EFCAB12: variants seen among roughly 807,000 people sequenced by gnomAD.
The protein encoded by EFCAB12 is EF-hand calcium-binding domain-containing protein 12.
EFCAB12 carries 43 observed loss-of-function variants against 53.6 expected under a neutral mutation model. The ratio of observed to expected loss-of-function variants is 0.80; its 90% CI spans 0.63 to 1.03. The LOEUF is 1.03. Among genes scored for constraint, EFCAB12 ranks in the 50% least tolerant of loss-of-function variants. EFCAB12 has a pLI of 0.00. For synonymous variants in EFCAB12, 269 were observed against 289.2 expected (o/e 0.93, Z 0.71); for missense variants, 646 against 730.6 (o/e 0.88, Z 1.34).
chr3:129,405,356 G>T (rs1489798380), intron 6 of EFCAB12, among the ~76,000 whole-genome samples: 2 of 152,186 alleles, frequency 1.3e-5, no homozygotes, highest in Admixed American at 6.5e-5. Context: ...TTGGGAAGGG[G>T]CTGTGGAGGT....
intron 1 of EFCAB12, among the ~76,000 whole-genome samples, chr3:129,426,495 CCTGGG>C (rs2072274641): frequency 1.4e-5 from 2 of 147,392 alleles, no homozygotes; most frequent in African/African-American, 5.0e-5. Context: ...CTCCCGAGTA[CCTGGG>C]ACTACAGGTG....
chr3:129,426,962 C>G (rs2072280672), intron 1 of EFCAB12, among the ~76,000 whole-genome samples: 1 of 151,510 alleles, frequency 6.6e-6, no homozygotes, highest in Admixed American at 6.6e-5. Flanking sequence ...ATTCTCCTGC[C>G]TCAGCCTCCT....
chr3:129,415,223 C>A, intron 4 of EFCAB12, 22 bp downstream of exon 4: 4 of 1,562,378 alleles, frequency 2.6e-6, no homozygotes, highest in Non-Finnish European at 8.7e-7. Context: ...GGTGGAGGCA[C>A]AGGATGGGGA....
chr3:129,406,827 G>T (rs552156948), intron 6 of EFCAB12, among the ~76,000 whole-genome samples: 1 of 150,250 alleles, frequency 6.7e-6, no homozygotes, highest in Non-Finnish European at 1.5e-5. Flanking sequence ...GGAGGGGGGA[G>T]ATAAAAAAGG....
intron 6 of EFCAB12, among the ~76,000 whole-genome samples, chr3:129,405,211 A>G (rs1221981753): frequency 3.9e-5 from 6 of 152,212 alleles, no homozygotes; most frequent in African/African-American, 1.4e-4. Flanking sequence ...ATATAAAAAA[A>G]ATACTGAGCC....
intron 3 of EFCAB12, among the ~76,000 whole-genome samples, chr3:129,415,998 T>A (rs1459157552): frequency 6.6e-6 from 1 of 152,258 alleles, no homozygotes; most frequent in African/African-American, 2.4e-5. Flanking sequence ...CACTGAACTT[T>A]ACTCAAACTC....
rs1200844197 is a variant in EFCAB12 at position 129,428,431 on chromosome 3, G to A, written c.49+9C>T. ...GCGCTCCCTGCAGACGCTTCTTCCCGGGGCTTACCGAGCAGCGACAAGAAC... is the reference window on the plus strand; with the variant it reads ...GCGCTCCCTGCAGACGCTTCTTCCCAGGGCTTACCGAGCAGCGACAAGAAC... On this transcript the variant is annotated intron_variant, in intron 1 of 8. Coordinates refer to ENST00000505956, the MANE Select transcript of EFCAB12 (RefSeq NM_207307.3). 5 of 1,604,982 alleles carry A rather than the reference G, an allele frequency of 3.1e-6. No homozygotes were observed. The highest frequency in any genetic ancestry group is 2.2e-5 in the South Asian group (2 of 89,280).
At chr3:129,404,534 A>C in intron 6 of EFCAB12, 131 bp from the exon 7 acceptor site, 1 of 1,076,278 alleles carries the variant, frequency 9.3e-7, no homozygotes, top group African/African-American at 1.9e-5. Context: ...TCTTATCTAT[A>C]TAGTAACTTT....
At chr3:129,421,221 CAACT>C (rs1406768313) in intron 2 of EFCAB12, 142 bp downstream of exon 2, 2 of 881,262 alleles carry the variant, frequency 2.3e-6, no homozygotes, top group East Asian at 5.4e-5. Context: ...GATAACTAGA[CAACT>C]AATACACCTC....
rs548363275 is a variant in EFCAB12, at chr3:129,411,187, G to T, written c.1006C>A (p.Arg336=). The change falls in exon 5 of 9, where the codon CGG becomes AGG. Residue 336 remains arginine, a synonymous_variant. Transcript: ENST00000505956. ...TLEEMEEVGK[R]YRERQRQHKL... Reference sequence around the variant, plus strand: ...TGCTGTCGCTGCCGCTCGCGGTACCGCTTGCCCACTTCCTCCATCTCCTCC... The same window carrying T: ...TGCTGTCGCTGCCGCTCGCGGTACCTCTTGCCCACTTCCTCCATCTCCTCC... 2.5e-6 allele frequency: 4 copies of T among 1,608,602 alleles called. No homozygotes were observed. The African/African-American group carries it at 5.3e-5, about 21-fold the overall frequency.
chr3:129,424,432 C>T (rs1408420090), intron 1 of EFCAB12, among the ~76,000 whole-genome samples: 1 of 152,170 alleles, frequency 6.6e-6, no homozygotes, highest in African/African-American at 2.4e-5. Flanking sequence ...AGCATAGCAC[C>T]TCCCCCTGCT....
chr3:129,405,314 G>C (rs992719324), intron 6 of EFCAB12, among the ~76,000 whole-genome samples: 1 of 152,166 alleles, frequency 6.6e-6, no homozygotes, highest in African/African-American at 2.4e-5. Context: ...TGGAAGTTAC[G>C]CTCCAGCGAG....
chr3:129,422,279 C>T (rs1013064066), intron 1 of EFCAB12, among the ~76,000 whole-genome samples: 14 of 152,252 alleles, frequency 9.2e-5, no homozygotes, highest in South Asian at 4.2e-4. Context: ...CCTATTTTAT[C>T]GGATGGGAGT....
In EFCAB12 at chr3:129,428,373, T is replaced by C. The variant is rs566292820; in HGVS notation, c.49+67A>G. 1.1e-4 allele frequency: 169 copies of C among 1,556,724 alleles called. 1 individual carries two copies. The African/African-American group carries it at 2.2e-3, about 20-fold the overall frequency. ...AATATCTGTGGCTGAGTTTTTGCCC[T>C]CACCCCACTTTCACGCGTCCTTAGG... On this transcript the variant is annotated intron_variant, in intron 1 of 8. Coordinates refer to ENST00000505956, the MANE Select transcript of EFCAB12 (RefSeq NM_207307.3).
intron 6 of EFCAB12, among the ~76,000 whole-genome samples, chr3:129,405,989 G>A (rs1309591448): frequency 4.6e-5 from 7 of 151,518 alleles, no homozygotes; most frequent in African/African-American, 1.2e-4. Flanking sequence ...GAAGTGGGAC[G>A]ATCGCTTGAG....
rs761414127 is a variant in EFCAB12 at position 129,415,207 on chromosome 3, C to CGGGGAGGTGGAGGCACAGGAT, written c.838+17_838+37dup. 7 of 1,549,372 alleles carry CGGGGAGGTGGAGGCACAGGAT rather than the reference C, an allele frequency of 4.5e-6. No individual in the cohort carries two copies. The South Asian group carries it at 8.6e-5, about 19-fold the overall frequency. On this transcript the variant is annotated intron_variant, in intron 4 of 8. Coordinates refer to ENST00000505956, the MANE Select transcript of EFCAB12 (RefSeq NM_207307.3). Reference sequence around the variant, plus strand: ...GCCTGCACCATGCTTGCTCCCAGGACGGGGAGGTGGAGGCACAGGATGGGG... The same window carrying CGGGGAGGTGGAGGCACAGGAT: ...GCCTGCACCATGCTTGCTCCCAGGACGGGGAGGTGGAGGCACAGGATGGGGAGGTGGAGGCACAGGATGGGG...
At chr3:129,421,346 C>T in intron 2 of EFCAB12, 21 bp downstream of exon 2, 1 of 1,585,138 alleles carries the variant, frequency 6.3e-7, no homozygotes, top group African/African-American at 1.3e-5. Flanking sequence ...GTGTCTTCAT[C>T]TGGCAAATGG....
At chr3:129,404,216 C>T (rs1323274568) in intron 7 of EFCAB12, 34 bp downstream of exon 7, 1 of 1,598,770 alleles carries the variant, frequency 6.3e-7, no homozygotes, top group Admixed American at 1.7e-5. Context: ...GAGCAGGAGG[C>T]CAAGGCAGGG....
intron 2 of EFCAB12, among the ~76,000 whole-genome samples, chr3:129,420,785 A>C (rs774532271): frequency 6.6e-6 from 1 of 152,196 alleles, no homozygotes; most frequent in Non-Finnish European, 1.5e-5. Flanking sequence ...TCAGGGACTC[A>C]CTTCTGACAA....
Sources: allele counts gnomAD v4.1 joint callset (sites outside exome capture counted in the v4.1 genomes callset), GRCh38; gene constraint gnomAD v4.1.1; transcripts MANE v1.5; gene names NCBI Gene and HGNC (gene_info 2026-07-23, HGNC 2026-07-21).